CCDC171: variants seen among roughly 807,000 people sequenced by gnomAD.
CCDC171 encodes coiled-coil domain containing 171, also known as coiled-coil domain-containing protein 171.
Under a neutral mutation model 168.2 loss-of-function variants are expected in CCDC171, and 177 were observed. The ratio of observed to expected loss-of-function variants is 1.05; its 90% CI spans 0.93 to 1.19. The LOEUF (loss-of-function observed/expected upper bound fraction) is 1.19, where lower values mean the gene tolerates loss of function less well. CCDC171 is among the 50% of genes most tolerant of loss of function. CCDC171 has a pLI of 0.00. For synonymous variants in CCDC171, 687 were observed against 540.8 expected (o/e 1.27, Z -3.75); for missense variants, 1,991 against 1,539.0 (o/e 1.29, Z -4.91).
intron 7 of CCDC171, among the ~76,000 whole-genome samples, chr9:15,628,524 G>T (rs1002503255): frequency 6.6e-6 from 1 of 152,214 alleles, no homozygotes; most frequent in Non-Finnish European, 1.5e-5. Context: ...AAAGCAGCTG[G>T]GAAGCTTGAA....
intron 14 of CCDC171, among the ~76,000 whole-genome samples, chr9:15,726,590 AACT>A: frequency 6.6e-6 from 1 of 152,282 alleles, no homozygotes; most frequent in South Asian, 2.1e-4. Context: ...TTGTTGTTGT[AACT>A]ACATTTTCAA....
chr9:15,980,143 A>G lies in CCDC171; in HGVS notation n.369-40446A>G, dbSNP rs186447293. ...AAAGAAAAGAGTTTTAGATGTAATA[A>G]TACAAAGCATCTAATGTTTTCTGGA... On this transcript the variant is annotated intron_variant and non_coding_transcript_variant, in intron 3 of 9. Coordinates refer to the CCDC171 transcript ENST00000486641. Among the ~76,000 whole-genome samples, 685 of 152,310 alleles carry G rather than the reference A, an allele frequency of 4.5e-3. 7 individuals are homozygous for G. The highest frequency in any genetic ancestry group is 7.4e-3 in the Non-Finnish European group (504 of 68,020).
At chr9:15,714,751 G>A (rs1012398625) in intron 11 of CCDC171, among the ~76,000 whole-genome samples, 3 of 152,190 alleles carry the variant, frequency 2.0e-5, no homozygotes, top group Non-Finnish European at 4.4e-5. Context: ...TCAAGTCTGA[G>A]AAGTATTTGA....
intron 7 of CCDC171, among the ~76,000 whole-genome samples, chr9:15,629,295 C>T (rs199581841): frequency 2.0e-5 from 3 of 152,014 alleles, no homozygotes; most frequent in Non-Finnish European, 4.4e-5. Flanking sequence ...AAAATTTAGA[C>T]GAATGTATAG....
At chr9:15,923,962 C>T (rs1183449187) in intron 25 of CCDC171, among the ~76,000 whole-genome samples, 2 of 151,172 alleles carry the variant, frequency 1.3e-5, no homozygotes, top group Non-Finnish European at 3.0e-5. Context: ...CCAACAACAG[C>T]TTATATATAA....
At chr9:15,892,317 G>A (rs1197888805) in intron 24 of CCDC171, among the ~76,000 whole-genome samples, 1 of 151,986 alleles carries the variant, frequency 6.6e-6, no homozygotes, top group South Asian at 2.1e-4. Context: ...CTGCCAATTC[G>A]GTATGATATT....
At chr9:15,649,316 A>G (rs1050446495) in intron 7 of CCDC171, among the ~76,000 whole-genome samples, 2 of 152,222 alleles carry the variant, frequency 1.3e-5, no homozygotes, top group Non-Finnish European at 2.9e-5. Flanking sequence ...GCTAGGCAAT[A>G]CCATTCAGGA....
At chr9:16,003,392 C>G (rs751736856) in intron 3 of CCDC171, among the ~76,000 whole-genome samples, 19 of 152,078 alleles carry the variant, frequency 1.2e-4, no homozygotes, top group Non-Finnish European at 2.6e-4. Context: ...CTTATATTTC[C>G]TGGGCACAGA....
At chr9:16,095,893 T>TAA in the CCDC171 span, among the ~76,000 whole-genome samples, 4 of 144,530 alleles carry the variant, frequency 2.8e-5, no homozygotes, top group African/African-American at 1.1e-4. Context: ...TATATATATA[T>TAA]ATATATACTG....
At position 15,890,462 on chromosome 9, in the gene CCDC171, C is replaced by T. The variant is rs528396495; in HGVS notation, c.3600+15799C>T. 1.7e-4 allele frequency among the ~76,000 whole-genome samples: 26 copies of T among 151,656 alleles called. No homozygotes were observed. In the South Asian group the frequency reaches 5.2e-3, roughly 30 times the overall value. The stretch of plus-strand genomic sequence containing the variant: ...TTTGAGTCTCATCCACTAGGTAGCT[C>T]TGCAGCAGTGAAGTCTATAGGATGA... On this transcript the variant is annotated intron_variant, in intron 24 of 25. Coordinates refer to ENST00000380701, the MANE Select transcript of CCDC171 (RefSeq NM_173550.4).
intron 1 of CCDC171, among the ~76,000 whole-genome samples, chr9:15,560,261 T>G (rs2039177224): frequency 6.6e-6 from 1 of 152,146 alleles, no homozygotes. Context: ...TTTCCTGAAT[T>G]TGAATGTTGG....
At chr9:15,732,551 AGCCTTTTGGGTC>A (rs2054217353) in intron 16 of CCDC171, among the ~76,000 whole-genome samples, 2 of 152,156 alleles carry the variant, frequency 1.3e-5, no homozygotes, top group Admixed American at 1.3e-4. Flanking sequence ...TACAGTATAT[AGCCTTTTGGGTC>A]TGGTTACTTT....
chr9:15,656,757 G>C (rs1298086098), intron 7 of CCDC171, among the ~76,000 whole-genome samples: 1 of 152,146 alleles, frequency 6.6e-6, no homozygotes, highest in East Asian at 1.9e-4. Context: ...CTGGAGGAAG[G>C]CATTACCAAG....
chr9:15,736,851 A>AT (rs1303931354), intron 16 of CCDC171, among the ~76,000 whole-genome samples: 1 of 151,382 alleles, frequency 6.6e-6, no homozygotes, highest in Non-Finnish European at 1.5e-5. Flanking sequence ...AAGTTTTTGT[A>AT]TTTTTTCGTA....
chr9:15,573,034 CT>C (rs1379515861), intron 3 of CCDC171, among the ~76,000 whole-genome samples: 1 of 152,182 alleles, frequency 6.6e-6, no homozygotes, highest in Non-Finnish European at 1.5e-5. Context: ...TGGCACACAC[CT>C]GTAATCTCAG....
chr9:15,866,004 AG>A (rs1179188529), intron 23 of CCDC171, among the ~76,000 whole-genome samples: 1 of 152,010 alleles, frequency 6.6e-6, no homozygotes, highest in Non-Finnish European at 1.5e-5. Flanking sequence ...AGAAGGGAAA[AG>A]TATGCTAGCA....
chr9:15,709,553 A>G (rs2052499837), intron 11 of CCDC171, among the ~76,000 whole-genome samples: 1 of 152,210 alleles, frequency 6.6e-6, no homozygotes, highest in Non-Finnish European at 1.5e-5. Flanking sequence ...AATTGAAGAC[A>G]TAATTCAAAA....
At chr9:15,894,304 G>A (rs1012333247) in intron 24 of CCDC171, among the ~76,000 whole-genome samples, 16 of 152,062 alleles carry the variant, frequency 1.1e-4, no homozygotes, top group African/African-American at 3.9e-4. Flanking sequence ...AGAGCATCAG[G>A]AAGGATAGCT....
chr9:15,788,017 C>G (rs1237637664), intron 21 of CCDC171, among the ~76,000 whole-genome samples: 1 of 152,152 alleles, frequency 6.6e-6, no homozygotes, highest in East Asian at 1.9e-4. Context: ...TATCTTTACG[C>G]AGATAAAGAG....
Sources: gnomAD v4.1 joint callset for allele counts (sites outside exome capture counted in the v4.1 genomes callset) on GRCh38, gnomAD v4.1.1 for gene constraint, MANE v1.5 for transcripts, NCBI Gene and HGNC (gene_info 2026-07-23, HGNC 2026-07-21) for gene names.